Variants in METTL16 observed in about 807,000 individuals in gnomAD.
METTL16 encodes RNA N(6)-adenosine-methyltransferase METTL16.
Under a neutral mutation model 57.9 loss-of-function variants are expected in METTL16, and 19 were observed. The ratio of observed to expected loss-of-function variants is 0.33; its 90% CI spans 0.23 to 0.48. The LOEUF is 0.48. Ranked by LOEUF, METTL16 falls within the 20% of genes least tolerant of loss-of-function variation. The pLI, the probability that METTL16 is intolerant of heterozygous loss-of-function variation, is 0.99. For missense variants in METTL16, 434 were observed against 691.5 expected (o/e 0.63, Z 4.18); for synonymous variants, 246 against 255.6 (o/e 0.96, Z 0.36).
Position 2,420,944 on chromosome 17 carries a change from TC to T in METTL16, c.889-41del. On this transcript the variant is annotated intron_variant, in intron 8 of 9. Coordinates refer to ENST00000263092, the MANE Select transcript of METTL16 (RefSeq NM_024086.4). The surrounding 1 kb of genome is among the most constrained non-coding windows in gnomAD (Gnocchi z 5.4). ...AAGCATAGAAAAGAGAAGAAAGTTA[TC>T]CGAATAATTAAACCTCATGCATTGT... 3.1e-6 allele frequency: 5 copies of T among 1,596,538 alleles called. No homozygotes were observed. Among genetic ancestry groups the T allele is most frequent in the Non-Finnish European group, 4.3e-6 (5 of 1,171,882 alleles).
intron 4 of METTL16, 62 bp downstream of exon 4, chr17:2,473,462 C>T (rs770142018): frequency 5.9e-6 from 9 of 1,526,352 alleles, no homozygotes; most frequent in South Asian, 5.2e-5. Context: ...TAATGAAATG[C>T]GTTAAACTAA....
At chr17:2,504,953 T>C (rs1014774524) in intron 1 of METTL16, among the ~76,000 whole-genome samples, 1 of 152,154 alleles carries the variant, frequency 6.6e-6, no homozygotes, top group African/African-American at 2.4e-5. Context: ...TGAAAAAATA[T>C]CTTTGATTCC....
chr17:2,447,205 G>C (rs1282310763), intron 6 of METTL16, among the ~76,000 whole-genome samples: 1 of 147,598 alleles, frequency 6.8e-6, no homozygotes, highest in Non-Finnish European at 1.5e-5. Flanking sequence ...CCCATCGTCT[G>C]AGATGTGGGG....
At chr17:2,454,791 C>T (rs568116843) in intron 6 of METTL16, among the ~76,000 whole-genome samples, 102 of 151,826 alleles carry the variant, frequency 6.7e-4, no homozygotes, top group African/African-American at 2.3e-3. Flanking sequence ...CTTGAACTCC[C>T]GACCTCTGGT....
chr17:2,456,851 C>A (rs1050018911), intron 6 of METTL16, among the ~76,000 whole-genome samples: 3 of 151,858 alleles, frequency 2.0e-5, no homozygotes, highest in Non-Finnish European at 4.4e-5. Flanking sequence ...TACACTGTCT[C>A]AATCTCAGCT....
At chr17:2,505,729 T>G (rs901323910) in intron 1 of METTL16, among the ~76,000 whole-genome samples, 3 of 152,034 alleles carry the variant, frequency 2.0e-5, no homozygotes, top group Non-Finnish European at 4.4e-5. Context: ...GCATCCACTC[T>G]TGTTCTCACC....
chr17:2,511,725 T>C (rs1263578266), intron 1 of METTL16, 34 bp downstream of exon 1: 3 of 397,410 alleles, frequency 7.5e-6, no homozygotes, highest in South Asian at 1.3e-4. Context: ...TGACCCATGA[T>C]AGTAAATCTG....
intron 8 of METTL16, among the ~76,000 whole-genome samples, chr17:2,437,807 C>T (rs1299527734): frequency 6.6e-6 from 1 of 152,204 alleles, no homozygotes. Context: ...AGCTCGGCTT[C>T]CCAAAGTGCT....
chr17:2,433,981 A>G (rs530328597), intron 8 of METTL16, among the ~76,000 whole-genome samples: 1 of 152,346 alleles, frequency 6.6e-6, no homozygotes, highest in Non-Finnish European at 1.5e-5. Flanking sequence ...ATCGGGATCA[A>G]TAGCTCCACG....
intron 6 of METTL16, among the ~76,000 whole-genome samples, chr17:2,448,752 TAA>T (rs1413144336): frequency 4.3e-5 from 2 of 46,922 alleles, no homozygotes; most frequent in Non-Finnish European, 1.0e-4. Flanking sequence ...AAAAAAAAAA[TAA>T]AATAAAAAAA....
intron 8 of METTL16, among the ~76,000 whole-genome samples, chr17:2,431,818 C>T (rs766555037): frequency 6.6e-6 from 1 of 152,056 alleles, no homozygotes; most frequent in Non-Finnish European, 1.5e-5. Flanking sequence ...TAAAAATAAC[C>T]TTATCATTTG....
chr17:2,466,943 C>T (rs568776634), intron 5 of METTL16, among the ~76,000 whole-genome samples: 1 of 152,106 alleles, frequency 6.6e-6, no homozygotes, highest in African/African-American at 2.4e-5. Context: ...GCTGGGTCTA[C>T]AGGCACACGC....
At chr17:2,487,048 G>T (rs1343266768) in intron 2 of METTL16, among the ~76,000 whole-genome samples, 3 of 145,230 alleles carry the variant, frequency 2.1e-5, no homozygotes, top group Non-Finnish European at 4.5e-5. Flanking sequence ...GATAAAGGTA[G>T]CAATGGCAGA....
intron 6 of METTL16, among the ~76,000 whole-genome samples, chr17:2,451,385 G>A (rs146393670): frequency 1.3e-5 from 2 of 152,114 alleles, no homozygotes; most frequent in Admixed American, 6.5e-5. Context: ...TTCGGAGGGC[G>A]AGGTAGGAGG....
intron 6 of METTL16, among the ~76,000 whole-genome samples, chr17:2,448,547 A>G (rs1241370983): frequency 8.3e-5 from 6 of 72,612 alleles, no homozygotes; most frequent in Non-Finnish European, 1.5e-4. Context: ...TGAAGGCAGC[A>G]TGCTCGTTAA....
intron 6 of METTL16, among the ~76,000 whole-genome samples, chr17:2,453,652 T>C (rs2067087501): frequency 6.6e-6 from 1 of 152,232 alleles, no homozygotes; most frequent in Non-Finnish European, 1.5e-5. Flanking sequence ...GGGGTGGTTC[T>C]TTGAAACTAG....
intron 8 of METTL16, 140 bp downstream of exon 8, chr17:2,437,969 T>C: frequency 1.5e-6 from 1 of 655,168 alleles, no homozygotes; most frequent in Non-Finnish European, 2.8e-6. Context: ...TGTGTCTTGG[T>C]TACAACCCCT....
At chr17:2,464,185 C>G in intron 6 of METTL16, 23 bp downstream of exon 6, 2 of 1,603,996 alleles carry the variant, frequency 1.2e-6, no homozygotes, top group Non-Finnish European at 1.7e-6. Flanking sequence ...AAGATGGACT[C>G]TATGTTGTAA....
intron 2 of METTL16, among the ~76,000 whole-genome samples, chr17:2,495,343 A>C (rs2067435511): frequency 6.6e-6 from 1 of 151,994 alleles, no homozygotes; most frequent in South Asian, 2.1e-4. Context: ...AAACACAAAA[A>C]ATAAAAGAAC....
Sources: allele counts gnomAD v4.1 joint callset (sites outside exome capture counted in the v4.1 genomes callset), GRCh38; gene constraint gnomAD v4.1.1; non-coding constraint Gnocchi (gnomAD v3.1); transcripts MANE v1.5; gene names NCBI Gene and HGNC (gene_info 2026-07-23, HGNC 2026-07-21).